The following NPC1L1 variants were observed in gnomAD, a reference collection of about 807,000 sequenced individuals.
NPC1L1 encodes the protein NPC1-like intracellular cholesterol transporter 1.
In NPC1L1, 98 loss-of-function variants were observed where a neutral mutation model predicts 117.0. The observed-to-expected ratio is 0.84, with a 90% CI of 0.71 to 0.99. The LOEUF (loss-of-function observed/expected upper bound fraction) is 0.99. Among genes scored for constraint, NPC1L1 ranks in the 50% least tolerant of loss-of-function variants. The pLI, the probability that NPC1L1 is intolerant of heterozygous loss-of-function variation, is 0.00. For synonymous variants in NPC1L1, 729 were observed against 727.6 expected, an observed-to-expected ratio of 1.00 and a Z score of -0.03; for missense variants, 1,540 against 1,710.0, an observed-to-expected ratio of 0.90 and a Z score of 1.75.
chr7:44,515,950 C>A lies in NPC1L1; in HGVS notation c.3649G>T (p.Ala1217Ser), dbSNP rs1801170089. The A allele has an allele frequency of 6.2e-7, 1 of 1,613,868 alleles. No homozygotes were observed. The highest frequency in any genetic ancestry group is 1.3e-5 in the African/African-American group (1 of 74,902). ...AGGATGCCAGGCAGGTTGGTCATGG[C>A]CACACCTGCAAACACCTGGGGGGTT... ...SMGSAVFAGV[A>S]MTNLPGILVL... Residue 1217 changes from alanine (A) to serine (S), a missense_variant, in exon 18 of 19, where the codon GCC (alanine) becomes TCC (serine). Ala to Ser is a moderately conservative substitution (Grantham distance 99, BLOSUM62 1). Transcript: ENST00000381160.
At chr7:44,517,131 C>T in intron 15 of NPC1L1, 76 bp downstream of exon 15, 1 of 1,598,322 alleles carries the variant, frequency 6.3e-7, no homozygotes, top group Admixed American at 1.7e-5. Context: ...CAACTCCTTG[C>T]AAGCCCTCCA....
In NPC1L1 at chr7:44,536,993, T is replaced by G; in HGVS notation, c.1581-51A>C. ...AAGGGCCTTTCCTGGCCCTGCCCAG[T>G]CCCTATGGCCCCTCCCTTCCCCTCC... On this transcript the variant is annotated intron_variant, in intron 2 of 18. Transcript: ENST00000381160. The surrounding 1 kb of genome is among the most constrained non-coding windows in gnomAD (Gnocchi z 4.7). 1 of 1,499,628 alleles carries G rather than the reference T, an allele frequency of 6.7e-7. No individual in the cohort carries two copies. The highest frequency in any genetic ancestry group is 9.2e-7 in the Non-Finnish European group (1 of 1,088,528). 92.9% of individuals were successfully genotyped at this position (1,499,628 alleles called of 1,614,324 possible).
In NPC1L1 at chr7:44,513,053, G is replaced by A. The variant is rs1585123148; in HGVS notation, c.*394C>T. Reference sequence around the variant, plus strand: ...TCTGTGTTCTCAGGGACACTGCTACGTGTTAAAGACTTACTGACACAGAAT... The same window carrying A: ...TCTGTGTTCTCAGGGACACTGCTACATGTTAAAGACTTACTGACACAGAAT... On this transcript the variant is annotated 3_prime_UTR_variant, in exon 19 of 19. Transcript: ENST00000381160. 1.6e-5 allele frequency: 5 copies of A among 322,230 alleles called. No individual in the cohort carries two copies. Among genetic ancestry groups the A allele is most frequent in the Non-Finnish European group, 2.5e-5 (4 of 163,150 alleles). The allele number at this position is 322,230 out of a possible 1,614,324, so 20.0% of individuals were successfully genotyped here.
At chr7:44,528,335 C>A (rs977872633) in intron 10 of NPC1L1, among the ~76,000 whole-genome samples, 4 of 152,156 alleles carry the variant, frequency 2.6e-5, no homozygotes, top group Non-Finnish European at 4.4e-5. Flanking sequence ...AAATTCCTGG[C>A]CTCAAGCAAT....
intron 10 of NPC1L1, among the ~76,000 whole-genome samples, chr7:44,522,805 A>G (rs1314203339): frequency 6.6e-6 from 1 of 152,182 alleles, no homozygotes; most frequent in Non-Finnish European, 1.5e-5. Context: ...ACATAATTGT[A>G]CCCCTTCCTA....
In NPC1L1 at chr7:44,536,218, G is replaced by A. The variant is rs778049888; in HGVS notation, c.1854+38C>T. The A allele has an allele frequency of 1.2e-6, 2 of 1,612,014 alleles. No individual in the cohort carries two copies. The highest frequency in any genetic ancestry group is 2.2e-5 in the East Asian group (1 of 44,884). ...ACAGGAACTGACCCAAGACCACCTG[G>A]GTTGCACCCCCAGAGCCAGGGACCC... On this transcript the variant is annotated intron_variant, in intron 4 of 18. Transcript: ENST00000381160. The surrounding 1 kb of genome is among the most constrained non-coding windows in gnomAD (Gnocchi z 4.7).
At chr7:44,518,864 TGCCCA>T (rs1169962535) in intron 14 of NPC1L1, among the ~76,000 whole-genome samples, 5 of 152,058 alleles carry the variant, frequency 3.3e-5, no homozygotes, top group East Asian at 1.9e-4. Context: ...CACACACAAA[TGCCCA>T]GCCCAGCCCA....
At chr7:44,514,964 G>A (rs890009325) in intron 18 of NPC1L1, among the ~76,000 whole-genome samples, 5 of 152,024 alleles carry the variant, frequency 3.3e-5, no homozygotes, top group African/African-American at 1.2e-4. Context: ...AGGGAGCTGA[G>A]ATCATACCAC....
At chr7:44,523,586 C>T (rs1441996567) in intron 10 of NPC1L1, among the ~76,000 whole-genome samples, 1 of 152,168 alleles carries the variant, frequency 6.6e-6, no homozygotes, top group Non-Finnish European at 1.5e-5. Flanking sequence ...CAAATATCAG[C>T]TGGGCATGAT....
Position 44,534,288 on chromosome 7 carries a change from A to C in NPC1L1, c.2166+159T>G, listed in dbSNP as rs577589828. ...GCAGGATGAAGTCATTTATGTCAAC[A>C]CACTCTAGTTTCTACAGATATTGTA... is the stretch of plus-strand genomic sequence containing the variant. On this transcript the variant is annotated intron_variant, in intron 6 of 18. Transcript: ENST00000381160. This position sits in a 1 kb window ranked among gnomAD's most constrained non-coding sequence, Gnocchi z 5.2. Among the ~76,000 whole-genome samples, 15 of 152,310 alleles carry C rather than the reference A, an allele frequency of 9.8e-5. No individual in the cohort carries two copies. The highest frequency in any genetic ancestry group is 3.4e-3 in the Middle Eastern group (1 of 294).
Position 44,533,505 on chromosome 7 carries a change from C to G in NPC1L1, c.2335G>C (p.Ala779Pro). The G allele has an allele frequency of 1.2e-6, 2 of 1,614,194 alleles. No homozygotes were observed. Among genetic ancestry groups the G allele is most frequent in the Non-Finnish European group, 1.7e-6 (2 of 1,180,028 alleles). ...TGCAGGAGGAAGTCAAGGATCACTG[C>G]AAGGCCAGAGGTCAGGGCAAAGGTC... Reference protein sequence around the residue: ...VRTFALTSGLAVILDFLLQMS... With the variant: ...VRTFALTSGLPVILDFLLQMS... Residue 779 changes from alanine (A) to proline (P), a missense_variant, in exon 8 of 19, where the codon GCA (alanine) becomes CCA (proline). Ala to Pro is a conservative substitution (Grantham distance 27). Around this residue, in one of 3 missense-constraint regions of NPC1L1, gnomAD observed 742 missense variants for 873.6 expected, o/e 0.85. Coordinates refer to ENST00000381160, the MANE Select transcript of NPC1L1 (RefSeq NM_001101648.2).
Position 44,534,412 on chromosome 7 carries a change from G to A in NPC1L1, c.2166+35C>T, listed in dbSNP as rs1471994704. The A allele has an allele frequency of 6.2e-7, 1 of 1,609,266 alleles. No homozygotes were observed. The highest frequency in any genetic ancestry group is 8.5e-7 in the Non-Finnish European group (1 of 1,175,624). On this transcript the variant is annotated intron_variant, in intron 6 of 18. Coordinates refer to ENST00000381160, the MANE Select transcript of NPC1L1 (RefSeq NM_001101648.2). This position sits in a 1 kb window ranked among gnomAD's most constrained non-coding sequence, Gnocchi z 5.2. The stretch of plus-strand genomic sequence containing the variant: ...GGAGGTGAGGTTGGGAGAAGAGTGG[G>A]CAGTTGGGGGTGTGGAGAGCTCCTC...
chr7:44,518,529 C>T (rs1348616359), intron 14 of NPC1L1: 2 of 282,962 alleles, frequency 7.1e-6, no homozygotes, highest in Admixed American at 8.0e-5. Context: ...ATTAGCTGAG[C>T]ATAGTGGCAT....
intron 18 of NPC1L1, among the ~76,000 whole-genome samples, chr7:44,514,750 C>G (rs186548547): frequency 0.017 from 2,541 of 151,842 alleles, 35 homozygotes; most frequent in Non-Finnish European, 0.028. Flanking sequence ...GCCTGTAATC[C>G]CAGCACTTTG....
rs775308813 is a variant in NPC1L1, at chr7:44,533,818, G to C, written c.2202C>G (p.Val734=). 4.3e-6 allele frequency: 7 copies of C among 1,613,404 alleles called. No homozygotes were observed. Among genetic ancestry groups the C allele is most frequent in the Non-Finnish European group, 5.9e-6 (7 of 1,179,860 alleles). The change falls in exon 7 of 19, where the codon GTC becomes GTG. Residue 734 remains valine, a synonymous_variant. Transcript: ENST00000381160. ...CCCTGCCTAGGGCTCGCCCAATGTG[G>C]ACCTCTCGTGGCTCCCCAGGCCTCC... ...LPRRPGEPRE[V]HIGRALGRVA...
At position 44,521,066 on chromosome 7, in the gene NPC1L1, C is replaced by T. The variant is rs1801338955; in HGVS notation, c.3006G>A (p.Arg1002=). 1 of 1,614,172 alleles carries T rather than the reference C, an allele frequency of 6.2e-7. No homozygotes were observed. The highest frequency in any genetic ancestry group is 8.5e-7 in the Non-Finnish European group (1 of 1,180,028). The part of the protein sequence containing the change: ...NCMSITMGSV[R]PSVEQFHKYL... ...ACTTATGGAACTGCTCCACCGAGGG[C>T]CTCACAGAGCCCATCGTGATGCTCA... The change falls in exon 13 of 19, where the codon AGG becomes AGA. Residue 1002 remains arginine, a synonymous_variant. Transcript: ENST00000381160.
At position 44,532,090 on chromosome 7, in the gene NPC1L1, C is replaced by T. The variant is rs534085349; in HGVS notation, c.2537G>A (p.Arg846Gln). 4.3e-6 allele frequency: 7 copies of T among 1,614,186 alleles called. No individual in the cohort carries two copies. Among genetic ancestry groups the T allele is most frequent in the Non-Finnish European group, 5.9e-6 (7 of 1,180,032 alleles). ...TCGAGGCCCACTCACCACAACACCT[C>T]GAGTGATCCAGTGCAGCAGGAAGGG... ...YAPFLLHWIT[R>Q]GVVLLLFLAL... The change falls in exon 9 of 19, where the codon CGA becomes CAA. Residue 846 changes from arginine to glutamine, a missense_variant. Coordinates refer to ENST00000381160, the MANE Select transcript of NPC1L1 (RefSeq NM_001101648.2).
chr7:44,527,513 T>C (rs1025939792), intron 10 of NPC1L1, among the ~76,000 whole-genome samples: 5 of 142,296 alleles, frequency 3.5e-5, no homozygotes, highest in African/African-American at 1.3e-4. Context: ...CAAAGATGTA[T>C]GAAGAAATAA....
At chr7:44,521,646 T>C in intron 12 of NPC1L1, 66 bp downstream of exon 12, 2 of 1,612,428 alleles carry the variant, frequency 1.2e-6, no homozygotes, top group East Asian at 2.2e-5. Context: ...TCCAGTCCTC[T>C]CCTTTCTGTT....
Sources: allele counts gnomAD v4.1 joint callset (sites outside exome capture counted in the v4.1 genomes callset), GRCh38; gene constraint gnomAD v4.1.1; regional missense constraint gnomAD v4.1.1; non-coding constraint Gnocchi (gnomAD v3.1); transcripts MANE v1.5; gene names NCBI Gene and HGNC (gene_info 2026-07-23, HGNC 2026-07-21).